The following ROBO1 variants were observed in gnomAD, a reference collection of about 807,000 sequenced individuals.
ROBO1 encodes roundabout guidance receptor 1.
A neutral mutation model predicts 195.9 loss-of-function variants in ROBO1; 149 were observed. The observed-to-expected ratio is 0.76, with a 90% CI of 0.67 to 0.87. The LOEUF (loss-of-function observed/expected upper bound fraction) is 0.87, where lower values mean the gene tolerates loss of function less well. ROBO1 is among the 40% of genes least tolerant of loss of function. ROBO1 has a pLI of 0.00. For missense variants in ROBO1, 1,933 were observed against 2,068.3 expected (o/e 0.93, Z 1.27); for synonymous variants, 816 against 733.2 (o/e 1.11, Z -1.82).
chr3:78,827,712 A>G (rs1405133822), intron 4 of ROBO1, among the ~76,000 whole-genome samples: 1 of 152,136 alleles, frequency 6.6e-6, no homozygotes, highest in African/African-American at 2.4e-5. Context: ...CGCAGAGAAG[A>G]GCTAATGTGC....
At chr3:79,594,250 G>A (rs532481826) in intron 1 of ROBO1, among the ~76,000 whole-genome samples, 2 of 152,092 alleles carry the variant, frequency 1.3e-5, no homozygotes, top group Non-Finnish European at 2.9e-5. Flanking sequence ...AGTGAAGAAT[G>A]TGATATAACT....
At chr3:79,212,838 T>A (rs1425533714) in intron 2 of ROBO1, among the ~76,000 whole-genome samples, 1 of 150,012 alleles carries the variant, frequency 6.7e-6, no homozygotes, top group Non-Finnish European at 1.5e-5. Context: ...TAAAATAAAA[T>A]AAATAAAATA....
intron 18 of ROBO1, among the ~76,000 whole-genome samples, chr3:78,656,147 G>C (rs931057482): frequency 2.6e-5 from 4 of 151,524 alleles, no homozygotes; most frequent in African/African-American, 4.9e-5. Flanking sequence ...ATCTAACCAC[G>C]TTTGAGGCAC....
chr3:78,863,314 T>C (rs2034966027), intron 4 of ROBO1, among the ~76,000 whole-genome samples: 1 of 152,206 alleles, frequency 6.6e-6, no homozygotes, highest in African/African-American at 2.4e-5. Flanking sequence ...TCTATGAGCC[T>C]ATGACATCCA....
chr3:79,170,998 C>A (rs2081155150), intron 2 of ROBO1, among the ~76,000 whole-genome samples: 1 of 151,820 alleles, frequency 6.6e-6, no homozygotes, highest in Non-Finnish European at 1.5e-5. Context: ...AAAGAGCCAA[C>A]TGATAGATTT....
intron 10 of ROBO1, among the ~76,000 whole-genome samples, chr3:78,673,608 A>G (rs1364840823): frequency 1.4e-4 from 9 of 64,482 alleles, no homozygotes; most frequent in African/African-American, 5.3e-4. Flanking sequence ...ATATATATAC[A>G]CACATATATT....
intron 2 of ROBO1, among the ~76,000 whole-genome samples, chr3:79,419,099 A>G (rs530517983): frequency 1.3e-5 from 2 of 152,242 alleles, no homozygotes; most frequent in East Asian, 3.9e-4. Context: ...AAGATAAGTT[A>G]GTTTTACATA....
At chr3:79,397,934 G>C (rs2037214864) in intron 2 of ROBO1, among the ~76,000 whole-genome samples, 1 of 152,158 alleles carries the variant, frequency 6.6e-6, no homozygotes, top group African/African-American at 2.4e-5. Flanking sequence ...GCCTGGTGCA[G>C]ATTGAGCACT....
chr3:78,889,957 C>T (rs746821615), intron 4 of ROBO1, among the ~76,000 whole-genome samples: 36 of 152,108 alleles, frequency 2.4e-4, no homozygotes, highest in Middle Eastern at 3.4e-3. Context: ...ACTCTCTCAG[C>T]GAGGCCTGCC....
chr3:79,546,613 T>C (rs1942273373), intron 2 of ROBO1, among the ~76,000 whole-genome samples: 1 of 152,186 alleles, frequency 6.6e-6, no homozygotes, highest in Admixed American at 6.5e-5. Context: ...TCACTGACCA[T>C]GGCAACTTCT....
At chr3:78,864,899 C>T (rs963939165) in intron 4 of ROBO1, among the ~76,000 whole-genome samples, 6 of 151,944 alleles carry the variant, frequency 3.9e-5, no homozygotes, top group African/African-American at 1.2e-4. Context: ...ATAAGATCTT[C>T]GTGATTATAA....
At chr3:79,756,326 C>A (rs28385325) in intron 1 of ROBO1, among the ~76,000 whole-genome samples, 1 of 151,780 alleles carries the variant, frequency 6.6e-6, no homozygotes, top group Non-Finnish European at 1.5e-5. Context: ...CCAAGGCGGG[C>A]GGTTCACGAG....
chr3:78,884,647 GAAAGGA>G (rs201446322), intron 4 of ROBO1, among the ~76,000 whole-genome samples: 1 of 71,322 alleles, frequency 1.4e-5, no homozygotes, highest in Non-Finnish European at 3.1e-5. Flanking sequence ...AAGAAAGAAA[GAAAGGA>G]AGGAAGGAAG....
intron 3 of ROBO1, among the ~76,000 whole-genome samples, chr3:78,970,038 T>G (rs1054324009): frequency 6.6e-6 from 1 of 152,166 alleles, no homozygotes; most frequent in Non-Finnish European, 1.5e-5. Flanking sequence ...ATGGTTATTG[T>G]GCCAGTTTAT....
rs147043298 is a variant in ROBO1, at chr3:79,492,860, C to T, written c.88+96964G>A. Among the ~76,000 whole-genome samples, 339 of 152,106 alleles carry T rather than the reference C, an allele frequency of 2.2e-3. 2 individuals carry two copies. Among genetic ancestry groups the T allele is most frequent in the African/African-American group, 7.7e-3 (319 of 41,536 alleles). Reference sequence around the variant, plus strand: ...TCAAAATAATTGCTTGCTAAAAAGACACACAACTAAGACCTTAACACTATT... The same window carrying T: ...TCAAAATAATTGCTTGCTAAAAAGATACACAACTAAGACCTTAACACTATT... On this transcript the variant is annotated intron_variant, in intron 2 of 30. Coordinates refer to ENST00000464233, the MANE Select transcript of ROBO1 (RefSeq NM_002941.4).
At chr3:79,111,651 T>G (rs899500490) in intron 3 of ROBO1, among the ~76,000 whole-genome samples, 1 of 152,108 alleles carries the variant, frequency 6.6e-6, no homozygotes, top group Admixed American at 6.6e-5. Flanking sequence ...ATAACTTATA[T>G]CAACAGAAAC....
At chr3:78,884,551 A>G (rs1473843820) in intron 4 of ROBO1, among the ~76,000 whole-genome samples, 1 of 151,692 alleles carries the variant, frequency 6.6e-6, no homozygotes, top group East Asian at 1.9e-4. Context: ...AAAAGAAAGA[A>G]AGAAAGAGAG....
intron 1 of ROBO1, among the ~76,000 whole-genome samples, chr3:79,750,620 T>A (rs546959851): frequency 3.3e-5 from 5 of 152,300 alleles, no homozygotes; most frequent in African/African-American, 1.2e-4. Context: ...TGAATGAATC[T>A]CCTGAGATCT....
At chr3:79,214,113 T>C (rs2082013276) in intron 2 of ROBO1, among the ~76,000 whole-genome samples, 1 of 151,986 alleles carries the variant, frequency 6.6e-6, no homozygotes, top group African/African-American at 2.4e-5. Flanking sequence ...CTCCACTTCT[T>C]ATATTGTCAC....
Sources: gnomAD v4.1 joint callset for allele counts (sites outside exome capture counted in the v4.1 genomes callset) on GRCh38, gnomAD v4.1.1 for gene constraint, MANE v1.5 for transcripts, NCBI Gene and HGNC (gene_info 2026-07-23, HGNC 2026-07-21) for gene names.